The following MOGAT2 variants were observed in gnomAD, a reference collection of about 807,000 sequenced individuals.
MOGAT2 encodes the protein 2-acylglycerol O-acyltransferase 2.
MOGAT2 carries 27 observed loss-of-function variants against 31.5 expected under a neutral mutation model. The ratio of observed to expected loss-of-function variants is 0.86; its 90% CI spans 0.63 to 1.18. MOGAT2 has a LOEUF of 1.18. Ranked by LOEUF, MOGAT2 falls within the 50% of genes most tolerant of loss-of-function variation. The pLI is 0.00. For missense variants in MOGAT2, 436 were observed against 433.2 expected (o/e 1.01, Z -0.06); for synonymous variants, 163 against 170.0 (o/e 0.96, Z 0.32).
chr11:75,728,391 G>A, intron 4 of MOGAT2: 1 of 648,612 alleles, frequency 1.5e-6, no homozygotes, highest in Non-Finnish European at 2.8e-6. Context: ...TTTGATCTGA[G>A]ATCTGTGGTA....
At position 75,722,338 on chromosome 11, in the gene MOGAT2, G is replaced by T. The variant is rs534365457; in HGVS notation, c.270+2168G>T. Among the ~76,000 whole-genome samples the T allele has an allele frequency of 2.2e-4, 33 of 152,282 alleles. No homozygotes were observed. In the South Asian group the frequency reaches 6.8e-3, roughly 32 times the overall value. On this transcript the variant is annotated intron_variant, in intron 2 of 5. Transcript: ENST00000198801. ...GCCAGGAAGGTCAGAGTTTCCCTGG[G>T]AAAGTGTGCTGTGGCCAGCCTGGGG...
chr11:75,720,418 G>C (rs1944368029), intron 2 of MOGAT2, among the ~76,000 whole-genome samples: 1 of 152,190 alleles, frequency 6.6e-6, no homozygotes, highest in African/African-American at 2.4e-5. Context: ...AGCATTTGAA[G>C]GAGTTCTGTG....
At chr11:75,722,649 G>A (rs1282863801) in intron 2 of MOGAT2, among the ~76,000 whole-genome samples, 2 of 152,248 alleles carry the variant, frequency 1.3e-5, no homozygotes, top group Non-Finnish European at 2.9e-5. Flanking sequence ...AGAGGGTGGA[G>A]GCCATTGGAG....
At chr11:75,722,686 A>G (rs1406010724) in intron 2 of MOGAT2, among the ~76,000 whole-genome samples, 3 of 152,186 alleles carry the variant, frequency 2.0e-5, no homozygotes, top group Non-Finnish European at 4.4e-5. Context: ...GGGACTGCTC[A>G]CCTGAAAGTT....
chr11:75,729,325 A>C (rs1369493052), intron 5 of MOGAT2, among the ~76,000 whole-genome samples: 1 of 152,188 alleles, frequency 6.6e-6, no homozygotes, highest in Non-Finnish European at 1.5e-5. Context: ...CTCAGCCTGG[A>C]GTGCAATGGC....
chr11:75,728,414 A>G (rs1944442086), intron 4 of MOGAT2: 20 of 598,814 alleles, frequency 3.3e-5, no homozygotes. Flanking sequence ...TAGAAGAGTG[A>G]TATTTGGGGT....
chr11:75,728,100 A>T lies in MOGAT2; in HGVS notation c.606A>T (p.Leu202Phe), dbSNP rs1304294780. Residue 202 changes from leucine (L) to phenylalanine (F), a missense_variant, in exon 4 of 6, where the codon TTA becomes TTT. Leu to Phe is a conservative substitution (Grantham distance 22). Coordinates refer to ENST00000198801, the MANE Select transcript of MOGAT2 (RefSeq NM_025098.4). ...CCAGGCCTGGATCCTTCACGCTGTT[A>T]CTGCGGAACCGAAAGGGCTTCGTCA... The part of the protein sequence containing the change: ...LDARPGSFTL[L>F]LRNRKGFVRL... 1 of 1,614,014 alleles carries T rather than the reference A, an allele frequency of 6.2e-7. No homozygotes were observed. Among genetic ancestry groups the T allele is most frequent in the African/African-American group, 1.3e-5 (1 of 74,902 alleles).
At chr11:75,718,483 C>T (rs868382889) in intron 1 of MOGAT2, among the ~76,000 whole-genome samples, 2 of 152,118 alleles carry the variant, frequency 1.3e-5, no homozygotes, top group East Asian at 1.9e-4. Flanking sequence ...CCAGGAAACC[C>T]GGAGTCAGAC....
Position 75,730,931 on chromosome 11 carries a change from A to AG in MOGAT2, c.851-201_851-200insG, listed in dbSNP as rs773281615. On this transcript the variant is annotated intron_variant, in intron 5 of 5. Coordinates refer to ENST00000198801, the MANE Select transcript of MOGAT2 (RefSeq NM_025098.4). ...CTCTACCTCAAAAAAAAAAAAAAAG[A>AG]AAAGAAAAGAAAAGGAAGAAAGAAA... The AG allele has an allele frequency of 9.5e-5, 37 of 388,454 alleles. No individual in the cohort carries two copies. The Admixed American group carries it at 9.6e-4, about 10-fold the overall frequency. The allele number at this position is 388,454 out of a possible 1,614,324, so 24.1% of individuals were successfully genotyped here. A position where few individuals can be genotyped will look rare whatever the true frequency, so the allele number is the denominator to read the frequency against.
chr11:75,722,027 G>A (rs1944380655), intron 2 of MOGAT2, among the ~76,000 whole-genome samples: 2 of 152,190 alleles, frequency 1.3e-5, no homozygotes, highest in African/African-American at 4.8e-5. Flanking sequence ...GGCAGCGGCT[G>A]GCAGAGACTG....
chr11:75,719,948 C>A, intron 1 of MOGAT2, 44 bp from the exon 2 acceptor site: 1 of 1,592,366 alleles, frequency 6.3e-7, no homozygotes, highest in South Asian at 1.1e-5. Flanking sequence ...CACCTGCCTT[C>A]CTCTCAGACC....
intron 5 of MOGAT2, among the ~76,000 whole-genome samples, chr11:75,729,901 C>T (rs188724560): frequency 2.0e-5 from 3 of 152,046 alleles, no homozygotes; most frequent in African/African-American, 4.8e-5. Context: ...CGTGCCACCA[C>T]GCCTGGGTAA....
chr11:75,728,620 A>G, intron 4 of MOGAT2, 170 bp from the exon 5 acceptor site: 1 of 627,766 alleles, frequency 1.6e-6, no homozygotes, highest in East Asian at 2.7e-5. Flanking sequence ...AAGGTCAGAG[A>G]ATGGGGCTGT....
At chr11:75,722,198 G>T (rs1369501489) in intron 2 of MOGAT2, among the ~76,000 whole-genome samples, 1 of 152,220 alleles carries the variant, frequency 6.6e-6, no homozygotes, top group Non-Finnish European at 1.5e-5. Context: ...AGTTCTGGGA[G>T]CAGTCATGGA....
chr11:75,725,649 G>T (rs1053740677), intron 2 of MOGAT2, among the ~76,000 whole-genome samples: 3 of 152,214 alleles, frequency 2.0e-5, no homozygotes, highest in Non-Finnish European at 4.4e-5. Context: ...GGGCAGACAG[G>T]CTCCAGGCCT....
intron 4 of MOGAT2, 37 bp from the exon 5 acceptor site, chr11:75,728,753 G>A (rs1944445016): frequency 6.3e-7 from 1 of 1,580,840 alleles, no homozygotes; most frequent in Non-Finnish European, 8.7e-7. Flanking sequence ...CTTCTCTGGG[G>A]CCTCCCACAT....
chr11:75,730,730 G>A (rs1182594826), intron 5 of MOGAT2, among the ~76,000 whole-genome samples: 1 of 151,954 alleles, frequency 6.6e-6, no homozygotes, highest in East Asian at 1.9e-4. Context: ...CCAATGTGGT[G>A]AAACCCCATC....
intron 2 of MOGAT2, among the ~76,000 whole-genome samples, chr11:75,723,368 A>G (rs148548650): frequency 0.012 from 1,833 of 152,098 alleles, 20 homozygotes; most frequent in Non-Finnish European, 0.019. Context: ...GGGCGAGATG[A>G]TGTTCATTTT....
chr11:75,723,075 C>T (rs1483723414), intron 2 of MOGAT2, among the ~76,000 whole-genome samples: 2 of 152,178 alleles, frequency 1.3e-5, no homozygotes, highest in East Asian at 3.8e-4. Context: ...GATTCTCCTG[C>T]CTCAGCCTCC....
Sources: allele counts gnomAD v4.1 joint callset (sites outside exome capture counted in the v4.1 genomes callset), GRCh38; gene constraint gnomAD v4.1.1; transcripts MANE v1.5; gene names NCBI Gene and HGNC (gene_info 2026-07-23, HGNC 2026-07-21).